Variants in DNMT3B observed in about 807,000 individuals in gnomAD.
The protein encoded by DNMT3B is DNA methyltransferase 3 beta.
A neutral mutation model predicts 120.2 loss-of-function variants in DNMT3B; 37 were observed. The observed-to-expected ratio is 0.31, with a 90% CI of 0.24 to 0.40. The LOEUF (loss-of-function observed/expected upper bound fraction) is 0.40. DNMT3B is among the 10% of genes least tolerant of loss of function. DNMT3B has a pLI of 1.00. For missense variants in DNMT3B, 878 were observed against 1,137.3 expected (o/e 0.77, Z 3.28); for synonymous variants, 412 against 442.8 (o/e 0.93, Z 0.87).
At chr20:32,788,676 G>A (rs577607249) in intron 6 of DNMT3B, among the ~76,000 whole-genome samples, 178 bp from the exon 7 acceptor site, 4 of 152,214 alleles carry the variant, frequency 2.6e-5, no homozygotes, top group South Asian at 2.1e-4. Flanking sequence ...GGCCTCAAGC[G>A]ATCCCCCTGC....
intron 10 of DNMT3B, 68 bp from the exon 11 acceptor site, chr20:32,795,341 G>C: frequency 6.2e-7 from 1 of 1,610,610 alleles, no homozygotes; most frequent in East Asian, 2.2e-5. Context: ...GCATGGTCTT[G>C]TCCTGGGCCC....
In DNMT3B at chr20:32,781,899, T is replaced by C. The variant is rs114636321; in HGVS notation, c.204+485T>C. On this transcript the variant is annotated intron_variant, in intron 3 of 22. Transcript: ENST00000328111. ...CAGATCAGTTGCAGTATCACAGTGG[T>C]TGTGTTCAAGTAGTGCTTGTTTTAC... Among the ~76,000 whole-genome samples the C allele has an allele frequency of 5.5e-3, 841 of 152,288 alleles. 7 individuals carry two copies. Among genetic ancestry groups the C allele is most frequent in the African/African-American group, 0.019 (795 of 41,552 alleles).
At chr20:32,798,802 C>T (rs2235758) in intron 15 of DNMT3B, among the ~76,000 whole-genome samples, 159 bp downstream of exon 15, 14,511 of 152,268 alleles carry the variant, frequency 0.095, 903 homozygotes, top group African/African-American at 0.18. Flanking sequence ...CTCCTCTGCA[C>T]GGTTTTCAGC....
chr20:32,795,548 A>G lies in DNMT3B; in HGVS notation c.1252+14A>G, dbSNP rs752273157. 1.2e-6 allele frequency: 2 copies of G among 1,614,128 alleles called. No homozygotes were observed. The highest frequency in any genetic ancestry group is 2.2e-5 in the South Asian group (2 of 91,084). On this transcript the variant is annotated intron_variant, in intron 11 of 22. Coordinates refer to ENST00000328111, the MANE Select transcript of DNMT3B (RefSeq NM_006892.4). ...ATCAGAGCCGAGGTGATTGTTGGGTACCTGGGATCATGGGACAGATGGGAG... is the reference window on the plus strand; with the variant it reads ...ATCAGAGCCGAGGTGATTGTTGGGTGCCTGGGATCATGGGACAGATGGGAG...
intron 1 of DNMT3B, among the ~76,000 whole-genome samples, chr20:32,767,266 T>C (rs910070592): frequency 2.0e-5 from 3 of 152,066 alleles, no homozygotes; most frequent in Non-Finnish European, 4.4e-5. Context: ...CTGAGAATAT[T>C]GTAGGGTTTA....
intron 1 of DNMT3B, chr20:32,779,934 G>GGGGGCC: frequency 1.4e-6 from 1 of 731,956 alleles, no homozygotes. Context: ...AGCAGGGAGA[G>GGGGGCC]GGGGCCAGGG....
chr20:32,808,835 T>A lies in DNMT3B; in HGVS notation c.*932T>A, dbSNP rs1006536554. The A allele has an allele frequency of 4.4e-6, 1 of 227,412 alleles. No homozygotes were observed. The highest frequency in any genetic ancestry group is 8.7e-6 in the Non-Finnish European group (1 of 114,540). 14.1% of individuals were successfully genotyped at this position (227,412 alleles called of 1,614,324 possible). On this transcript the variant is annotated 3_prime_UTR_variant, in exon 23 of 23. Transcript: ENST00000328111. ...GAGACCTACCCTCCACAGGCACAGG[T>A]CCCCAGATGAGAAGTCTGCTACCCT...
intron 11 of DNMT3B, 52 bp downstream of exon 11, chr20:32,795,586 G>A (rs768947106): frequency 6.2e-7 from 1 of 1,614,200 alleles, no homozygotes; most frequent in South Asian, 1.1e-5. Context: ...GGACGCTGCA[G>A]ATCAGGAATT....
chr20:32,805,534 C>T (rs2146083553), intron 21 of DNMT3B, 127 bp downstream of exon 21: 2 of 1,004,808 alleles, frequency 2.0e-6, no homozygotes, highest in Non-Finnish European at 1.5e-6. Context: ...GTTGGGCTTC[C>T]CTCTCCCACA....
intron 7 of DNMT3B, among the ~76,000 whole-genome samples, chr20:32,790,266 T>C (rs1601099322): frequency 6.6e-6 from 1 of 152,358 alleles, no homozygotes; most frequent in East Asian, 1.9e-4. Context: ...GTGAGGCAGC[T>C]GCTTCCAGGG....
At chr20:32,800,459 T>G (rs1981191881) in intron 17 of DNMT3B, among the ~76,000 whole-genome samples, 161 bp downstream of exon 17, 1 of 151,846 alleles carries the variant, frequency 6.6e-6, no homozygotes. Context: ...AGAAGTGGAG[T>G]TGGTGACCAA....
intron 1 of DNMT3B, among the ~76,000 whole-genome samples, chr20:32,778,118 C>G (rs1318378683): frequency 6.6e-6 from 1 of 152,150 alleles, no homozygotes; most frequent in African/African-American, 2.4e-5. Context: ...GTGGGCAGAT[C>G]ACGAGGACAA....
At chr20:32,787,885 G>A (rs1213455357) in intron 6 of DNMT3B, among the ~76,000 whole-genome samples, 1 of 151,964 alleles carries the variant, frequency 6.6e-6, no homozygotes, top group Non-Finnish European at 1.5e-5. Context: ...ATTTGGGTAG[G>A]TAAAGGAAAA....
chr20:32,791,924 G>A (rs1032009595), intron 8 of DNMT3B, among the ~76,000 whole-genome samples: 1 of 152,204 alleles, frequency 6.6e-6, no homozygotes, highest in Non-Finnish European at 1.5e-5. Context: ...ACCACTAACT[G>A]AATCAGAAGG....
Position 32,800,271 on chromosome 20 carries a change from C to T in DNMT3B, c.1878C>T (p.Asn626=), listed in dbSNP as rs17123655. 4.4e-3 allele frequency: 7,100 copies of T among 1,614,140 alleles called. 263 individuals carry two copies. The African/African-American group carries it at 0.079, about 18-fold the overall frequency. ...ACGAGGGGAATATCAAATACGTGAACGACGTGAGGAACATCACAAAGAAAA... is the reference window on the plus strand; with the variant it reads ...ACGAGGGGAATATCAAATACGTGAATGACGTGAGGAACATCACAAAGAAAA... ...VKHEGNIKYV[N]DVRNITKKNI... is the part of the protein sequence containing the mutation. The change falls in exon 17 of 23, where the codon AAC becomes AAT. Residue 626 remains asparagine (N), a synonymous_variant. Coordinates refer to ENST00000328111, the MANE Select transcript of DNMT3B (RefSeq NM_006892.4).
intron 20 of DNMT3B, 94 bp from the exon 21 acceptor site, chr20:32,805,244 C>T: frequency 7.0e-7 from 1 of 1,435,030 alleles, no homozygotes; most frequent in Non-Finnish European, 9.8e-7. Flanking sequence ...ACTGCCAGGG[C>T]ACATCTCTGC....
intron 4 of DNMT3B, among the ~76,000 whole-genome samples, chr20:32,785,686 T>C (rs1033567135): frequency 6.6e-6 from 1 of 152,160 alleles, no homozygotes; most frequent in Non-Finnish European, 1.5e-5. Flanking sequence ...AAACATCAAC[T>C]CTTCTATGCA....
chr20:32,762,856 T>TG (rs1192807937), intron 1 of DNMT3B, among the ~76,000 whole-genome samples, 157 bp downstream of exon 1: 42 of 151,606 alleles, frequency 2.8e-4, no homozygotes, highest in African/African-American at 9.9e-4. Flanking sequence ...CGGCTGGGTT[T>TG]GCGGGGTGAG....
intron 1 of DNMT3B, 157 bp from the exon 2 acceptor site, chr20:32,780,161 T>C: frequency 6.2e-7 from 1 of 1,613,334 alleles, no homozygotes. Flanking sequence ...GGGGAGGCTA[T>C]GGGGGGCAGC....
Sources: allele counts gnomAD v4.1 joint callset (sites outside exome capture counted in the v4.1 genomes callset), GRCh38; gene constraint gnomAD v4.1.1; transcripts MANE v1.5; gene names NCBI Gene and HGNC (gene_info 2026-07-23, HGNC 2026-07-21).